CLNK: variants seen among roughly 807,000 people sequenced by gnomAD.
CLNK encodes the protein cytokine-dependent hematopoietic cell linker.
CLNK carries 74 observed loss-of-function variants against 68.6 expected under a neutral mutation model. That is an observed-to-expected ratio of 1.08 (90% CI 0.89 to 1.31). The LOEUF (loss-of-function observed/expected upper bound fraction) is 1.31. Among genes scored for constraint, CLNK ranks in the 50% most tolerant of loss-of-function variants. The pLI is 0.00. For missense variants in CLNK, 553 were observed against 515.3 expected (o/e 1.07, Z -0.71); for synonymous variants, 198 against 172.2 (o/e 1.15, Z -1.17).
At chr4:10,662,983 C>A (rs1319826394) in intron 2 of CLNK, among the ~76,000 whole-genome samples, 1 of 152,188 alleles carries the variant, frequency 6.6e-6, no homozygotes, top group Admixed American at 6.5e-5. Context: ...TGACTTTCAC[C>A]CAAATTCCCA....
intron 2 of CLNK, among the ~76,000 whole-genome samples, chr4:10,617,644 G>A (rs900327593): frequency 2.6e-5 from 4 of 152,204 alleles, no homozygotes; most frequent in Admixed American, 2.0e-4. Flanking sequence ...TGATCCATGA[G>A]CCAAGCCAGA....
chr4:10,643,475 C>T (rs1403282271), intron 2 of CLNK, among the ~76,000 whole-genome samples: 1 of 152,228 alleles, frequency 6.6e-6, no homozygotes, highest in Admixed American at 6.5e-5. Flanking sequence ...GACTGTTTTC[C>T]TTTCTTTTGC....
chr4:10,705,299 G>C, the CLNK span, among the ~76,000 whole-genome samples: 1 of 152,184 alleles, frequency 6.6e-6, no homozygotes, highest in Admixed American at 6.5e-5. Flanking sequence ...GGTGTGACCT[G>C]GGGAAACACT....
intron 8 of CLNK, among the ~76,000 whole-genome samples, chr4:10,545,068 G>A (rs1027823045): frequency 6.6e-6 from 1 of 152,136 alleles, no homozygotes; most frequent in African/African-American, 2.4e-5. Context: ...TGAAGTTTCA[G>A]CATGAGTTTT....
At chr4:10,591,977 A>G (rs2108841521) in intron 3 of CLNK, among the ~76,000 whole-genome samples, 1 of 152,300 alleles carries the variant, frequency 6.6e-6, no homozygotes, top group South Asian at 2.1e-4. Context: ...AGTGCCACTC[A>G]CAACTCTCAT....
At chr4:10,594,569 C>A (rs1721317033) in intron 3 of CLNK, among the ~76,000 whole-genome samples, 1 of 152,190 alleles carries the variant, frequency 6.6e-6, no homozygotes, top group South Asian at 2.1e-4. Flanking sequence ...CTGCTGGTCC[C>A]AGGCCCATGC....
intron 18 of CLNK, among the ~76,000 whole-genome samples, chr4:10,497,409 G>GA (rs1190010993): frequency 6.6e-6 from 1 of 152,090 alleles, no homozygotes; most frequent in Non-Finnish European, 1.5e-5. Context: ...ACATGTATGG[G>GA]AAAAAAATAA....
chr4:10,714,769 T>C, the CLNK span, among the ~76,000 whole-genome samples: 1 of 151,904 alleles, frequency 6.6e-6, no homozygotes, highest in East Asian at 1.9e-4. Context: ...ATATTGCAAA[T>C]CTCAGTGAAA....
chr4:10,541,986 T>C (rs780297580), intron 10 of CLNK, 36 bp downstream of exon 10: 1 of 1,469,416 alleles, frequency 6.8e-7, no homozygotes, highest in Middle Eastern at 1.7e-4. Flanking sequence ...TATTTCATTG[T>C]ATAGCGAAAA....
intron 9 of CLNK, 72 bp from the exon 10 acceptor site, chr4:10,542,113 G>A: frequency 7.4e-7 from 1 of 1,359,668 alleles, no homozygotes; most frequent in Non-Finnish European, 1.0e-6. Flanking sequence ...ACAGTTTTTT[G>A]GTTTACAAAT....
At chr4:10,694,348 G>A in the CLNK span, among the ~76,000 whole-genome samples, 3 of 151,990 alleles carry the variant, frequency 2.0e-5, no homozygotes, top group Admixed American at 2.0e-4. Flanking sequence ...CAGTGGCTGG[G>A]GATGGGCTTA....
intron 3 of CLNK, among the ~76,000 whole-genome samples, chr4:10,595,046 A>T (rs1721332578): frequency 6.6e-6 from 1 of 152,126 alleles, no homozygotes; most frequent in Admixed American, 6.6e-5. Flanking sequence ...GCGCGATTGC[A>T]CTCCAGCCTG....
At chr4:10,573,614 T>C (rs1446617978) in intron 4 of CLNK, among the ~76,000 whole-genome samples, 3 of 152,182 alleles carry the variant, frequency 2.0e-5, no homozygotes, top group African/African-American at 4.8e-5. Context: ...TCAGAATTAT[T>C]GGGGATCTGC....
At chr4:10,522,455 T>C in intron 14 of CLNK, among the ~76,000 whole-genome samples, 1 of 149,432 alleles carries the variant, frequency 6.7e-6, no homozygotes, top group South Asian at 2.1e-4. Flanking sequence ...CTGCCTGTAG[T>C]CCCAGCTACT....
At chr4:10,604,153 G>A (rs922992845) in intron 2 of CLNK, among the ~76,000 whole-genome samples, 38 of 152,276 alleles carry the variant, frequency 2.5e-4, no homozygotes, top group Middle Eastern at 3.4e-3. Context: ...TTGCATGTTC[G>A]TGATTATATT....
intron 4 of CLNK, among the ~76,000 whole-genome samples, chr4:10,577,139 C>T (rs1352313636): frequency 6.6e-6 from 1 of 152,132 alleles, no homozygotes; most frequent in Non-Finnish European, 1.5e-5. Context: ...CTCTATTTCC[C>T]TAGGAAAGCA....
rs1720334161 is a variant in CLNK, at chr4:10,571,325, GC to G, written c.150+415del. Among the ~76,000 whole-genome samples the G allele has an allele frequency of 5.5e-5, 5 of 91,046 alleles. No homozygotes were observed. In the South Asian group the frequency reaches 1.5e-3, roughly 28 times the overall value. 59.7% of individuals were successfully genotyped at this position (91,046 alleles called of 152,430 possible). ...ATTTTTTGTTGTTGTTGTTGCTGTT[GC>G]TTTTTTTTTTTTTTTTTTTTTTTTT... is the stretch of plus-strand genomic sequence containing the variant. On this transcript the variant is annotated intron_variant, in intron 5 of 18. Transcript: ENST00000226951.
At chr4:10,656,084 T>G (rs567674949) in intron 2 of CLNK, among the ~76,000 whole-genome samples, 52 of 152,060 alleles carry the variant, frequency 3.4e-4, no homozygotes, top group Non-Finnish European at 7.4e-4. Context: ...GATTTAAAAG[T>G]GAAAGGCAGA....
At chr4:10,613,411 A>T (rs1319664303) in intron 2 of CLNK, among the ~76,000 whole-genome samples, 1 of 152,174 alleles carries the variant, frequency 6.6e-6, no homozygotes, top group Non-Finnish European at 1.5e-5. Context: ...CAAGGTAATG[A>T]GGTCCACGTG....
Sources: gnomAD v4.1 joint callset for allele counts (sites outside exome capture counted in the v4.1 genomes callset) on GRCh38, gnomAD v4.1.1 for gene constraint, MANE v1.5 for transcripts, NCBI Gene and HGNC (gene_info 2026-07-23, HGNC 2026-07-21) for gene names.